The following CNTRL variants were observed in gnomAD, a reference collection of about 807,000 sequenced individuals.
CNTRL encodes 110 kDa centrosomal protein.
CNTRL carries 233 observed loss-of-function variants against 303.7 expected under a neutral mutation model. The ratio of observed to expected loss-of-function variants is 0.77; its 90% CI spans 0.69 to 0.86. CNTRL has a LOEUF of 0.86. CNTRL is among the 40% of genes least tolerant of loss of function. The pLI, the probability that CNTRL is intolerant of heterozygous loss-of-function variation, is 0.00. For synonymous variants in CNTRL, 900 were observed against 922.2 expected, an observed-to-expected ratio of 0.98 and a Z score of 0.44; for missense variants, 2,524 against 2,650.6, an observed-to-expected ratio of 0.95 and a Z score of 1.05.
chr9:121,101,390 C>T (rs796160025), intron 7 of CNTRL, among the ~76,000 whole-genome samples: 14 of 152,298 alleles, frequency 9.2e-5, no homozygotes, highest in African/African-American at 2.4e-4. Context: ...CTCTAGGACA[C>T]GTTTAAAGCA....
chr9:121,123,658 A>G (rs1209636099), intron 12 of CNTRL, among the ~76,000 whole-genome samples: 2 of 152,126 alleles, frequency 1.3e-5, no homozygotes, highest in African/African-American at 4.8e-5. Flanking sequence ...CAACGCAAAT[A>G]ACACTGACCT....
At chr9:121,135,171 C>G (rs1160490205) in intron 14 of CNTRL, among the ~76,000 whole-genome samples, 5 of 152,136 alleles carry the variant, frequency 3.3e-5, no homozygotes, top group Admixed American at 6.5e-5. Flanking sequence ...TAAATATGTA[C>G]TTATATTCTT....
chr9:121,161,254 C>T (rs956688000), intron 32 of CNTRL: 3 of 441,298 alleles, frequency 6.8e-6, no homozygotes, highest in African/African-American at 6.2e-5. Flanking sequence ...TCATTTTTTT[C>T]TCTTATGCTT....
Position 121,124,802 on chromosome 9 carries a change from C to A in CNTRL, c.1804+718C>A, listed in dbSNP as rs143108555. Among the ~76,000 whole-genome samples the A allele has an allele frequency of 2.2e-3, 330 of 149,460 alleles. 1 individual carries two copies. The highest frequency in any genetic ancestry group is 7.6e-3 in the African/African-American group (312 of 40,926). ...AAAAAAAAAAAAAAAATTAGCCAGG[C>A]GTAGTGGTATGTGTGCTTGTGGCAC... On this transcript the variant is annotated intron_variant, in intron 13 of 43. Transcript: ENST00000373855.
At position 121,118,552 on chromosome 9, in the gene CNTRL, A is replaced by T. The variant is rs1309217398; in HGVS notation, c.1650+12A>T. 6.4e-7 allele frequency: 1 copy of T among 1,573,610 alleles called. No individual in the cohort carries two copies. Among genetic ancestry groups the T allele is most frequent in the Middle Eastern group, 1.7e-4 (1 of 5,844 alleles). On this transcript the variant is annotated intron_variant, in intron 12 of 43. Transcript: ENST00000373855. ...AAGACCCAAAACATGTGAGTAAATT[A>T]AGAAATTTTGACTTGTTCTGTCTAC...
At chr9:121,158,684 C>A in intron 30 of CNTRL, 171 bp from the exon 31 acceptor site, 1 of 619,106 alleles carries the variant, frequency 1.6e-6, no homozygotes, top group Non-Finnish European at 2.9e-6. Context: ...AGTATGTGAG[C>A]TCAAGGTTTT....
At chr9:121,112,075 C>G (rs536114841) in intron 8 of CNTRL, among the ~76,000 whole-genome samples, 1 of 151,976 alleles carries the variant, frequency 6.6e-6, no homozygotes, top group Non-Finnish European at 1.5e-5. Context: ...TTGTTAAAGT[C>G]GGAAAGTCAG....
At chr9:121,172,050 G>A (rs1276281724) in intron 40 of CNTRL, among the ~76,000 whole-genome samples, 1 of 152,142 alleles carries the variant, frequency 6.6e-6, no homozygotes, top group Non-Finnish European at 1.5e-5. Flanking sequence ...CTCTAGTCGG[G>A]CTGCTGTAGC....
At chr9:121,176,593 C>G (rs370091391) in intron 43 of CNTRL, among the ~76,000 whole-genome samples, 25 of 152,252 alleles carry the variant, frequency 1.6e-4, no homozygotes, top group African/African-American at 5.8e-4. Flanking sequence ...GCTTAAAAGC[C>G]AGCTTCAATT....
chr9:121,087,662 G>A (rs1450471157), intron 2 of CNTRL, among the ~76,000 whole-genome samples: 1 of 152,182 alleles, frequency 6.6e-6, no homozygotes, highest in African/African-American at 2.4e-5. Context: ...TTGCACTCCA[G>A]CCTGGGCGAC....
intron 34 of CNTRL, 165 bp downstream of exon 34, chr9:121,162,436 C>CT (rs373673435): frequency 0.011 from 5,689 of 530,330 alleles, 1 homozygote; most frequent in Middle Eastern, 0.013. Flanking sequence ...TTCCTTCTAG[C>CT]TTTTTTTTTT....
chr9:121,163,073 C>CT (rs1165448494), intron 34 of CNTRL, among the ~76,000 whole-genome samples: 3 of 151,678 alleles, frequency 2.0e-5, no homozygotes, highest in Non-Finnish European at 4.4e-5. Flanking sequence ...GGCACGTTGG[C>CT]TCATGCCAGT....
chr9:121,132,797 G>T (rs2050944376), intron 14 of CNTRL, among the ~76,000 whole-genome samples: 1 of 152,060 alleles, frequency 6.6e-6, no homozygotes, highest in African/African-American at 2.4e-5. Flanking sequence ...TTGGTCTTTG[G>T]TCTACCTCCA....
At chr9:121,157,422 G>A in intron 27 of CNTRL, 48 bp from the exon 28 acceptor site, 12 of 1,591,070 alleles carry the variant, frequency 7.5e-6, no homozygotes, top group Non-Finnish European at 1.0e-5. Flanking sequence ...CAGTAGCTGT[G>A]AGTGAGTATT....
intron 6 of CNTRL, 58 bp from the exon 7 acceptor site, chr9:121,098,328 T>G: frequency 7.8e-7 from 1 of 1,274,256 alleles, no homozygotes. Context: ...TAACTTCCTT[T>G]AAGTATGTTA....
Position 121,152,674 on chromosome 9 carries a change from C to T in CNTRL, c.4153C>T (p.Gln1385Ter), listed in dbSNP as rs749374868. 4.3e-6 allele frequency: 7 copies of T among 1,610,060 alleles called. No individual in the cohort carries two copies. Among genetic ancestry groups the T allele is most frequent in the South Asian group, 1.1e-5 (1 of 90,444 alleles). Residue 1385 changes from glutamine (Q) to a stop codon, truncating the protein, a stop_gained, in exon 26 of 44, where the codon CAG becomes TAG. Coordinates refer to ENST00000373855, the MANE Select transcript of CNTRL (RefSeq NM_007018.6). LOFTEE classifies it high-confidence loss of function. ...AGTAGAAGAATTACATAGAACTGTCCAGAAACGTCAACAGCAAAAGTAATT... is the reference window on the plus strand; with the variant it reads ...AGTAGAAGAATTACATAGAACTGTCTAGAAACGTCAACAGCAAAAGTAATT... ...CEVEELHRTV[Q>*]KRQQQKDFID...
chr9:121,155,074 T>G, intron 27 of CNTRL, 161 bp downstream of exon 27: 1 of 639,768 alleles, frequency 1.6e-6, no homozygotes, highest in Non-Finnish European at 2.8e-6. Flanking sequence ...GATGTGAGAA[T>G]TTATGCAAGT....
chr9:121,083,560 T>C (rs2048230327), intron 2 of CNTRL, among the ~76,000 whole-genome samples: 1 of 152,198 alleles, frequency 6.6e-6, no homozygotes, highest in Non-Finnish European at 1.5e-5. Context: ...TGTTCTGGAA[T>C]ACCTCTTGAA....
chr9:121,143,138 CACT>C (rs2051618286), intron 19 of CNTRL, among the ~76,000 whole-genome samples: 1 of 152,172 alleles, frequency 6.6e-6, no homozygotes, highest in African/African-American at 2.4e-5. Flanking sequence ...TCCCATGCCT[CACT>C]GTTTCACACC....
Sources: allele counts gnomAD v4.1 joint callset (sites outside exome capture counted in the v4.1 genomes callset), GRCh38; gene constraint gnomAD v4.1.1; transcripts MANE v1.5; gene names NCBI Gene and HGNC (gene_info 2026-07-23, HGNC 2026-07-21).